Variants in DROSHA observed in about 807,000 individuals in gnomAD.
DROSHA encodes the protein ribonuclease 3.
Under a neutral mutation model 181.9 loss-of-function variants are expected in DROSHA, and 56 were observed. The observed-to-expected ratio is 0.31, with a 90% CI of 0.25 to 0.38. DROSHA has a LOEUF of 0.38. Ranked by LOEUF, DROSHA falls within the 10% of genes least tolerant of loss-of-function variation. DROSHA has a pLI of 1.00. For synonymous variants in DROSHA, 524 were observed against 591.2 expected (o/e 0.89, Z 1.65); for missense variants, 1,218 against 1,743.5 (o/e 0.70, Z 5.37).
intron 16 of DROSHA, among the ~76,000 whole-genome samples, chr5:31,475,009 T>C (rs1750205060): frequency 6.6e-6 from 1 of 152,160 alleles, no homozygotes; most frequent in Admixed American, 6.5e-5. Flanking sequence ...GGCATATTTC[T>C]CCAAGTCAGT....
Position 31,472,167 on chromosome 5 carries a change from G to A in DROSHA, c.2137C>T (p.Leu713=). 6.2e-7 allele frequency: 1 copy of A among 1,613,874 alleles called. No homozygotes were observed. Among genetic ancestry groups the A allele is most frequent in the Non-Finnish European group, 8.5e-7 (1 of 1,179,856 alleles). ...TTGGCAATCTCCTCCTCAGGCACCA[G>A]GGCTTTGCTGCACCTTAACAAGTAC... The part of the protein sequence containing the change: ...LLYLLRCSKA[L]VPEEEIANML... The change falls in exon 17 of 36, where the codon CTG becomes TTG. Residue 713 remains leucine, a synonymous_variant. Coordinates refer to ENST00000344624, the MANE Select transcript of DROSHA (RefSeq NM_001382508.1).
chr5:31,467,466 C>T (rs1749207621), intron 18 of DROSHA: 1 of 152,058 alleles, frequency 6.6e-6, no homozygotes, highest in Non-Finnish European at 1.5e-5. Flanking sequence ...TACATCAATC[C>T]TAAGAGTCAG....
intron 22 of DROSHA, 103 bp from the exon 23 acceptor site, chr5:31,448,710 A>T (rs1368578920): frequency 3.5e-6 from 3 of 863,956 alleles, no homozygotes; most frequent in Non-Finnish European, 5.4e-6. Flanking sequence ...ATGTGATTTT[A>T]AAAGGTTTGG....
At chr5:31,451,405 GA>G (rs1747024605) in intron 21 of DROSHA, 127 bp downstream of exon 21, 2 of 766,280 alleles carry the variant, frequency 2.6e-6, no homozygotes, top group Non-Finnish European at 4.3e-6. Context: ...TAGAGCAATG[GA>G]GAGAACTATG....
chr5:31,429,653 A>G (rs768620908), intron 26 of DROSHA, 108 bp from the exon 27 acceptor site: 44 of 775,406 alleles, frequency 5.7e-5, no homozygotes, highest in Non-Finnish European at 8.1e-5. Flanking sequence ...ACTCACAGAA[A>G]ACAAATCAAC....
chr5:31,451,314 T>C (rs1042486180), intron 21 of DROSHA, among the ~76,000 whole-genome samples: 1 of 152,040 alleles, frequency 6.6e-6, no homozygotes, highest in African/African-American at 2.4e-5. Flanking sequence ...GTTGACAAAT[T>C]TTAGTTTTAG....
chr5:31,498,460 A>C (rs1753239575), intron 11 of DROSHA, among the ~76,000 whole-genome samples: 1 of 152,234 alleles, frequency 6.6e-6, no homozygotes, highest in Admixed American at 6.5e-5. Flanking sequence ...TTAATAGGAA[A>C]TTTAAAAAGC....
chr5:31,519,764 A>G (rs55786013), intron 6 of DROSHA, among the ~76,000 whole-genome samples: 67,500 of 151,982 alleles, frequency 0.44, 15,273 homozygotes, highest in South Asian at 0.5. Context: ...ATGGATGCTG[A>G]TTTTAGTTTA....
At chr5:31,487,217 C>T (rs1183415548) in intron 13 of DROSHA, among the ~76,000 whole-genome samples, 4 of 152,196 alleles carry the variant, frequency 2.6e-5, no homozygotes, top group Non-Finnish European at 4.4e-5. Flanking sequence ...GCAGAAGAGT[C>T]ATCAGGTACC....
At chr5:31,484,380 CAAAAA>C (rs377304788) in intron 15 of DROSHA, among the ~76,000 whole-genome samples, 1 of 82,986 alleles carries the variant, frequency 1.2e-5, no homozygotes, top group African/African-American at 6.0e-5. Context: ...GACTCCGTCT[CAAAAA>C]AAAAAAAAAA....
rs749893180 is a variant in DROSHA at position 31,448,580 on chromosome 5, G to A, written c.2849C>T (p.Ser950Leu). 6.2e-7 allele frequency: 1 copy of A among 1,613,534 alleles called. No individual in the cohort carries two copies. ...KGINTLINIM[S>L]RLGQDDPTPS... ...AGTTGGGTCATCTTGGCCAAGGCGTGACATGATATTTATCAAGGTGTTAAT... is the reference window on the plus strand; with the variant it reads ...AGTTGGGTCATCTTGGCCAAGGCGTAACATGATATTTATCAAGGTGTTAAT... Residue 950 changes from serine to leucine, a missense_variant, in exon 23 of 36, where the codon TCA (serine) becomes TTA (leucine). Ser to Leu is a moderately radical substitution (Grantham distance 145, BLOSUM62 -2). This residue lies in a region of DROSHA where 460 missense variants were observed against 774.2 expected (regional missense o/e 0.59). Transcript: ENST00000344624.
intron 3 of DROSHA, among the ~76,000 whole-genome samples, chr5:31,530,360 C>T (rs896925872): frequency 3.9e-5 from 6 of 152,078 alleles, no homozygotes; most frequent in Non-Finnish European, 7.4e-5. Context: ...CCACCATAGG[C>T]TACTCACTGC....
At chr5:31,420,331 C>T (rs1298146978) in intron 30 of DROSHA, among the ~76,000 whole-genome samples, 1 of 152,180 alleles carries the variant, frequency 6.6e-6, no homozygotes, top group Non-Finnish European at 1.5e-5. Flanking sequence ...TTTGCTTTCT[C>T]AATGTCCAGT....
At position 31,421,383 on chromosome 5, in the gene DROSHA, A is replaced by G. The variant is rs1447945306; in HGVS notation, c.3420-6T>C. The G allele has an allele frequency of 6.2e-7, 1 of 1,603,848 alleles. No homozygotes were observed. The highest frequency in any genetic ancestry group is 1.1e-5 in the South Asian group (1 of 90,530). On this transcript the variant is annotated splice_region_variant and splice_polypyrimidine_tract_variant and intron_variant, in intron 29 of 35. Transcript: ENST00000344624. Reference sequence around the variant, plus strand: ...CCATTCTCTGATTGTGGCCTCTGGAAAAAGAAACATCAAAGTAAAGAAATC... The same window carrying G: ...CCATTCTCTGATTGTGGCCTCTGGAGAAAGAAACATCAAAGTAAAGAAATC...
chr5:31,480,761 G>A (rs1750942997), intron 16 of DROSHA, among the ~76,000 whole-genome samples: 1 of 152,188 alleles, frequency 6.6e-6, no homozygotes, highest in Non-Finnish European at 1.5e-5. Flanking sequence ...TATGTGCCAT[G>A]AAGTATGTTA....
At position 31,422,884 on chromosome 5, in the gene DROSHA, T is replaced by C. The variant is rs1373461212; in HGVS notation, c.3322A>G (p.Thr1108Ala). 1.2e-6 allele frequency: 2 copies of C among 1,613,220 alleles called. No individual in the cohort carries two copies. The highest frequency in any genetic ancestry group is 1.7e-6 in the Non-Finnish European group (2 of 1,179,628). The change falls in exon 29 of 36, where the codon ACT (threonine) becomes GCT (alanine). Residue 1108 changes from threonine to alanine, a missense_variant. Transcript: ENST00000344624. ...IETSPVLQKL[T>A]EFEEAIGVIF... ...ACTCCAATTGCTTCTTCAAACTCAG[T>C]AAGTTTTTGTAGAACTGGAGAAGTT...
Position 31,520,730 on chromosome 5 carries a change from A to C in DROSHA, c.947+393T>G, listed in dbSNP as rs73747441. Among the ~76,000 whole-genome samples, 190 of 152,232 alleles carry C rather than the reference A, an allele frequency of 1.2e-3. 1 individual carries two copies. Among genetic ancestry groups the C allele is most frequent in the Middle Eastern group, 0.01 (3 of 294 alleles). On this transcript the variant is annotated intron_variant, in intron 6 of 35. Coordinates refer to ENST00000344624, the MANE Select transcript of DROSHA (RefSeq NM_001382508.1). ...GATATAGAATTGATTACACCCTTTA[A>C]GTTTTGGGTGATAGCAATCTCAATG...
At chr5:31,432,799 CT>C (rs1254479015) in intron 25 of DROSHA, among the ~76,000 whole-genome samples, 1 of 152,148 alleles carries the variant, frequency 6.6e-6, no homozygotes, top group Non-Finnish European at 1.5e-5. Context: ...CATAGTTTTC[CT>C]TTACTTTGAT....
At position 31,407,749 on chromosome 5, in the gene DROSHA, C is replaced by T. The variant is rs16901096; in HGVS notation, c.3855-804G>A. On this transcript the variant is annotated intron_variant, in intron 33 of 35. Coordinates refer to ENST00000344624, the MANE Select transcript of DROSHA (RefSeq NM_001382508.1). ...GGAGCATAGCAATTTCCTTTGTGTT[C>T]GTACGCTCCATGGGATGAATGTGCA... Among the ~76,000 whole-genome samples, 2,273 of 152,210 alleles carry T rather than the reference C, an allele frequency of 0.015. 133 individuals carry two copies. The East Asian group carries it at 0.21, about 14-fold the overall frequency.
Sources: allele counts gnomAD v4.1 joint callset (sites outside exome capture counted in the v4.1 genomes callset), GRCh38; gene constraint gnomAD v4.1.1; regional missense constraint gnomAD v4.1.1; transcripts MANE v1.5; gene names NCBI Gene and HGNC (gene_info 2026-07-23, HGNC 2026-07-21).